NLGN1: variants seen among roughly 807,000 people sequenced by gnomAD.
NLGN1 encodes neuroligin 1, also known as neuroligin-1.
NLGN1 carries 12 observed loss-of-function variants against 65.5 expected under a neutral mutation model. The observed-to-expected ratio is 0.18, with a 90% CI of 0.12 to 0.30. NLGN1 has a LOEUF of 0.30. Among genes scored for constraint, NLGN1 ranks in the 10% least tolerant of loss-of-function variants. NLGN1 has a pLI of 1.00. For missense variants in NLGN1, 750 were observed against 1,007.1 expected, an observed-to-expected ratio of 0.74 and a Z score of 3.46; for synonymous variants, 350 against 359.5, an observed-to-expected ratio of 0.97 and a Z score of 0.30.
At chr3:173,743,905 CAG>C (rs1266936883) in intron 3 of NLGN1, among the ~76,000 whole-genome samples, 3 of 152,100 alleles carry the variant, frequency 2.0e-5, no homozygotes, top group Admixed American at 6.6e-5. Context: ...TAAAACATGT[CAG>C]AGGAGGCAGT....
chr3:173,674,166 T>G (rs186657905), intron 3 of NLGN1, among the ~76,000 whole-genome samples: 53 of 152,290 alleles, frequency 3.5e-4, no homozygotes, highest in African/African-American at 1.2e-3. Flanking sequence ...TAAATTTTGT[T>G]TAATTTTCTG....
At chr3:173,543,463 A>G (rs1017473009) in intron 2 of NLGN1, among the ~76,000 whole-genome samples, 1 of 152,138 alleles carries the variant, frequency 6.6e-6, no homozygotes, top group Non-Finnish European at 1.5e-5. Context: ...ACTTATGAGG[A>G]TATACACTGG....
intron 1 of NLGN1, among the ~76,000 whole-genome samples, chr3:173,398,670 T>C (rs1358694389): frequency 6.6e-6 from 1 of 152,218 alleles, no homozygotes; most frequent in African/African-American, 2.4e-5. Flanking sequence ...AAAGGTACTA[T>C]TTCTTTTTGC....
intron 4 of NLGN1, among the ~76,000 whole-genome samples, chr3:174,102,658 G>A (rs1712803559): frequency 6.6e-6 from 1 of 152,156 alleles, no homozygotes; most frequent in African/African-American, 2.4e-5. Flanking sequence ...CTCTCCAATT[G>A]CAGGTGCTAC....
intron 2 of NLGN1, among the ~76,000 whole-genome samples, chr3:173,572,716 C>T (rs1416498380): frequency 6.6e-6 from 1 of 152,188 alleles, no homozygotes; most frequent in Non-Finnish European, 1.5e-5. Context: ...GCTGTGAATG[C>T]AGAATTTTGA....
At chr3:173,753,004 CT>C (rs1439081236) in intron 3 of NLGN1, among the ~76,000 whole-genome samples, 1 of 152,132 alleles carries the variant, frequency 6.6e-6, no homozygotes, top group Non-Finnish European at 1.5e-5. Flanking sequence ...ATACCATCCT[CT>C]TTTGCCAACT....
At chr3:173,634,901 A>G (rs1756333587) in intron 3 of NLGN1, among the ~76,000 whole-genome samples, 1 of 152,112 alleles carries the variant, frequency 6.6e-6, no homozygotes, top group Admixed American at 6.6e-5. Context: ...TGAGATGGCA[A>G]TAGGACCTCT....
rs1255816973 is a variant in NLGN1, at chr3:174,228,962, C to T, written c.647-46353C>T. On this transcript the variant is annotated intron_variant, in intron 4 of 6. Coordinates refer to ENST00000457714, the Ensembl canonical transcript of NLGN1. The stretch of plus-strand genomic sequence containing the variant: ...TTCCCACTGAAGACAGTATGGATTC[C>T]ATTTATTTCCAAAGCATGTCAAGAG... 6.6e-5 allele frequency among the ~76,000 whole-genome samples: 10 copies of T among 151,982 alleles called. No individual in the cohort carries two copies. The East Asian group carries it at 1.7e-3, about 27-fold the overall frequency.
intron 4 of NLGN1, among the ~76,000 whole-genome samples, chr3:173,867,335 A>G (rs2150844865): frequency 6.6e-6 from 1 of 152,296 alleles, no homozygotes; most frequent in Admixed American, 6.5e-5. Flanking sequence ...ATATTAAATA[A>G]AGAGAAATGT....
chr3:174,242,807 C>T (rs966001311), intron 4 of NLGN1, among the ~76,000 whole-genome samples: 5 of 152,154 alleles, frequency 3.3e-5, no homozygotes, highest in Non-Finnish European at 7.3e-5. Context: ...CCATTCCCGC[C>T]CCCATCCATG....
intron 4 of NLGN1, among the ~76,000 whole-genome samples, chr3:173,929,416 AG>A (rs1743625660): frequency 6.6e-6 from 1 of 152,104 alleles, no homozygotes; most frequent in Non-Finnish European, 1.5e-5. Context: ...AGAAATTCAA[AG>A]GATATTGCAG....
intron 4 of NLGN1, among the ~76,000 whole-genome samples, chr3:174,146,072 C>G (rs1443689208): frequency 1.3e-5 from 2 of 151,650 alleles, no homozygotes; most frequent in African/African-American, 4.8e-5. Context: ...CTTAATATAA[C>G]CTATTAATCT....
intron 3 of NLGN1, among the ~76,000 whole-genome samples, chr3:173,716,089 C>A (rs186008318): frequency 6.6e-6 from 1 of 152,024 alleles, no homozygotes; most frequent in African/African-American, 2.4e-5. Flanking sequence ...AATTATTTCA[C>A]GAAATAAAAT....
intron 4 of NLGN1, among the ~76,000 whole-genome samples, chr3:174,073,183 CAT>C (rs1560977346): frequency 6.6e-6 from 1 of 151,232 alleles, no homozygotes; most frequent in Non-Finnish European, 1.5e-5. Flanking sequence ...TCAAGAAAAT[CAT>C]AGGTTTTTTT....
At chr3:173,790,086 A>T (rs1367118398) in intron 3 of NLGN1, among the ~76,000 whole-genome samples, 1 of 151,922 alleles carries the variant, frequency 6.6e-6, no homozygotes, top group Non-Finnish European at 1.5e-5. Flanking sequence ...TTTCTTCATC[A>T]TGGTACCTTA....
intron 4 of NLGN1, among the ~76,000 whole-genome samples, chr3:174,032,427 GT>G (rs1730211911): frequency 6.6e-6 from 1 of 152,178 alleles, no homozygotes; most frequent in Non-Finnish European, 1.5e-5. Flanking sequence ...GCATAGATAA[GT>G]TTGATAACCA....
chr3:173,625,710 T>G (rs1455795815), intron 3 of NLGN1, among the ~76,000 whole-genome samples: 3 of 152,138 alleles, frequency 2.0e-5, no homozygotes, highest in East Asian at 3.9e-4. Context: ...AATAATGAGG[T>G]TAAGGAGTAT....
intron 4 of NLGN1, among the ~76,000 whole-genome samples, chr3:174,221,492 A>G (rs1279739735): frequency 6.6e-6 from 1 of 152,138 alleles, no homozygotes; most frequent in African/African-American, 2.4e-5. Context: ...GGTTCCAGTT[A>G]TGACACAGAC....
intron 2 of NLGN1, among the ~76,000 whole-genome samples, chr3:173,602,001 T>A (rs961353710): frequency 1.4e-4 from 22 of 152,166 alleles, no homozygotes; most frequent in Admixed American, 1.0e-3. Context: ...ATTGAGGGAC[T>A]GTATTATGTG....
Sources: allele counts gnomAD v4.1 joint callset (sites outside exome capture counted in the v4.1 genomes callset), GRCh38; gene constraint gnomAD v4.1.1; transcripts MANE v1.5; gene names NCBI Gene and HGNC (gene_info 2026-07-23, HGNC 2026-07-21).